The following PPP1R12B variants were observed in gnomAD, a reference collection of about 807,000 sequenced individuals.
PPP1R12B encodes protein phosphatase 1 regulatory subunit 12B.
A neutral mutation model predicts 126.1 loss-of-function variants in PPP1R12B; 76 were observed. The observed-to-expected ratio is 0.60, with a 90% CI of 0.50 to 0.73. PPP1R12B has a LOEUF of 0.73. Ranked by LOEUF, PPP1R12B falls within the 30% of genes least tolerant of loss-of-function variation. The pLI is 0.00. For synonymous variants in PPP1R12B, 356 were observed against 434.7 expected (o/e 0.82, Z 2.25); for missense variants, 1,052 against 1,205.1 (o/e 0.87, Z 1.88).
intron 1 of PPP1R12B, among the ~76,000 whole-genome samples, chr1:202,389,360 A>C (rs569471793): frequency 5.3e-5 from 8 of 152,310 alleles, no homozygotes; most frequent in African/African-American, 1.9e-4. Context: ...AAAAAATTTA[A>C]CCGGCCGGGC....
At chr1:202,550,794 G>A (rs952556864) in intron 18 of PPP1R12B, among the ~76,000 whole-genome samples, 7 of 152,150 alleles carry the variant, frequency 4.6e-5, no homozygotes, top group African/African-American at 1.7e-4. Context: ...ATATGCCGGA[G>A]GCTGCAAATG....
At chr1:202,447,279 T>C (rs1430092031) in intron 12 of PPP1R12B, among the ~76,000 whole-genome samples, 3 of 152,208 alleles carry the variant, frequency 2.0e-5, no homozygotes, top group Non-Finnish European at 1.5e-5. Flanking sequence ...TCAGACCAAA[T>C]GGTTAATCAT....
At chr1:202,511,817 G>A (rs1246007635) in intron 18 of PPP1R12B, among the ~76,000 whole-genome samples, 1 of 137,794 alleles carries the variant, frequency 7.3e-6, no homozygotes, top group Non-Finnish European at 1.5e-5. Context: ...GCTCTTGTTG[G>A]CCAGGCTGGA....
chr1:202,432,141 G>C (rs944208620), intron 8 of PPP1R12B, among the ~76,000 whole-genome samples: 61 of 152,096 alleles, frequency 4.0e-4, no homozygotes, highest in African/African-American at 1.3e-3. Context: ...TAATTCTCAG[G>C]TTTGTCTGAT....
intron 18 of PPP1R12B, among the ~76,000 whole-genome samples, chr1:202,523,964 C>T (rs559169310): frequency 1.1e-3 from 168 of 152,264 alleles, no homozygotes; most frequent in Admixed American, 1.9e-3. Context: ...CTGCCTGCCT[C>T]GGCCTCCCAA....
chr1:202,425,875 C>T (rs1483954149), intron 4 of PPP1R12B, 150 bp downstream of exon 4: 4 of 722,830 alleles, frequency 5.5e-6, no homozygotes, highest in Admixed American at 5.9e-5. Context: ...TCACATTTTG[C>T]TGGTATTCAT....
intron 13 of PPP1R12B, among the ~76,000 whole-genome samples, chr1:202,456,668 AAGG>A (rs1284164482): frequency 1.3e-5 from 2 of 152,218 alleles, no homozygotes; most frequent in African/African-American, 4.8e-5. Flanking sequence ...AGTGGCAAGG[AAGG>A]AAATCTATAC....
At chr1:202,418,204 A>G (rs1455299758) in intron 2 of PPP1R12B, among the ~76,000 whole-genome samples, 1 of 152,234 alleles carries the variant, frequency 6.6e-6, no homozygotes, top group Admixed American at 6.5e-5. Flanking sequence ...TAACATCAGA[A>G]TTCTGATGCC....
chr1:202,377,294 A>G (rs1217587129), intron 1 of PPP1R12B, among the ~76,000 whole-genome samples: 1 of 151,376 alleles, frequency 6.6e-6, no homozygotes, highest in Non-Finnish European at 1.5e-5. Context: ...AATATTTTGG[A>G]GTAGTAATGT....
chr1:202,350,309 C>T (rs1655703582), intron 1 of PPP1R12B, among the ~76,000 whole-genome samples: 1 of 152,028 alleles, frequency 6.6e-6, no homozygotes, highest in African/African-American at 2.4e-5. Flanking sequence ...GAGTGCTTTG[C>T]TGTTTGATTT....
Position 202,428,858 on chromosome 1 carries a change from C to T in PPP1R12B, c.850C>T (p.Gln284Ter), listed in dbSNP as rs1669869558. ...CDMDIRNKLG[Q>*]TPFDVADEGL... ...TGGTGCTCCTTTTCTCTGCCAGGGC[C>T]AGACACCATTTGATGTGGCTGATGA... Residue 284 changes from glutamine (Q) to a stop codon, truncating the protein, a stop_gained, in exon 6 of 24, where the codon CAG (glutamine) becomes TAG (stop). Coordinates refer to ENST00000608999, the MANE Select transcript of PPP1R12B (RefSeq NM_002481.4). LOFTEE classifies it high-confidence loss of function. 6.2e-7 allele frequency: 1 copy of T among 1,605,680 alleles called. No homozygotes were observed. The highest frequency in any genetic ancestry group is 1.3e-5 in the African/African-American group (1 of 74,462).
At chr1:202,556,217 A>AT (rs1686919665) in intron 18 of PPP1R12B, among the ~76,000 whole-genome samples, 1 of 152,172 alleles carries the variant, frequency 6.6e-6, no homozygotes, top group Non-Finnish European at 1.5e-5. Flanking sequence ...AAGCAGAGGA[A>AT]TGGTGGCAGG....
chr1:202,582,560 C>G lies in PPP1R12B; in HGVS notation c.*2000C>G, dbSNP rs1689603055. The stretch of plus-strand genomic sequence containing the variant: ...CTCCATGGTCCTCCCTCTGAAACAC[C>G]ACATGCTGTTTAAACTAGAAGCTGT... On this transcript the variant is annotated 3_prime_UTR_variant, in exon 24 of 24. Coordinates refer to ENST00000608999, the MANE Select transcript of PPP1R12B (RefSeq NM_002481.4). 1 of 152,568 alleles carries G rather than the reference C, an allele frequency of 6.6e-6. No homozygotes were observed. The highest frequency in any genetic ancestry group is 2.4e-5 in the African/African-American group (1 of 41,392). The allele number at this position is 152,568 out of a possible 1,614,324, so 9.5% of individuals were successfully genotyped here. A position where few individuals can be genotyped will look rare whatever the true frequency, so the allele number is the denominator to read the frequency against.
At chr1:202,578,890 G>A (rs188399815) in intron 23 of PPP1R12B, among the ~76,000 whole-genome samples, 16 of 152,304 alleles carry the variant, frequency 1.1e-4, no homozygotes, top group East Asian at 9.6e-4. Flanking sequence ...GTTTCTAGGC[G>A]TCAAACATTT....
chr1:202,559,397 T>C, intron 19 of PPP1R12B, among the ~76,000 whole-genome samples: 1 of 152,314 alleles, frequency 6.6e-6, no homozygotes, highest in East Asian at 1.9e-4. Flanking sequence ...AAATACCTTA[T>C]ACCTAGATGA....
At chr1:202,394,824 A>G (rs1479667791) in intron 1 of PPP1R12B, among the ~76,000 whole-genome samples, 2 of 151,934 alleles carry the variant, frequency 1.3e-5, no homozygotes, top group Non-Finnish European at 2.9e-5. Flanking sequence ...AAGAGAAAAG[A>G]AAAGAAAATC....
intron 13 of PPP1R12B, among the ~76,000 whole-genome samples, chr1:202,468,441 A>G (rs1034720797): frequency 1.3e-5 from 2 of 152,198 alleles, no homozygotes; most frequent in African/African-American, 4.8e-5. Flanking sequence ...CTTTCTACAT[A>G]TGGCTAGCCA....
Position 202,449,118 on chromosome 1 carries a change from T to C in PPP1R12B, c.1797T>C (p.Pro599=), listed in dbSNP as rs1672620370. Reference sequence around the variant, plus strand: ...CTGCCAATGGGGTTACAGCTACTCCTGTGCTCTCCATTACTGGAACAGATT... The same window carrying C: ...CTGCCAATGGGGTTACAGCTACTCCCGTGCTCTCCATTACTGGAACAGATT... ...PSTANGVTAT[P]VLSITGTDSS... The change falls in exon 13 of 24, where the codon CCT becomes CCC. Residue 599 remains proline, a synonymous_variant. Coordinates refer to ENST00000608999, the MANE Select transcript of PPP1R12B (RefSeq NM_002481.4). 4 of 1,613,680 alleles carry C rather than the reference T, an allele frequency of 2.5e-6. No individual in the cohort carries two copies. The South Asian group carries it at 4.4e-5, about 18-fold the overall frequency.
intron 1 of PPP1R12B, among the ~76,000 whole-genome samples, chr1:202,392,724 A>T (rs1310690654): frequency 2.0e-5 from 3 of 151,640 alleles, no homozygotes; most frequent in Non-Finnish European, 4.4e-5. Flanking sequence ...ACAGGGTTTC[A>T]CCATGCTTCT....
Sources: allele counts gnomAD v4.1 joint callset (sites outside exome capture counted in the v4.1 genomes callset), GRCh38; gene constraint gnomAD v4.1.1; transcripts MANE v1.5; gene names NCBI Gene and HGNC (gene_info 2026-07-23, HGNC 2026-07-21).